Variants in NMT2 observed in about 807,000 individuals in gnomAD.
The protein encoded by NMT2 is glycylpeptide N-tetradecanoyltransferase 2.
A neutral mutation model predicts 65.4 loss-of-function variants in NMT2; 35 were observed. The observed-to-expected ratio is 0.54, with a 90% confidence interval of 0.41 to 0.71. The LOEUF (loss-of-function observed/expected upper bound fraction) is 0.71. NMT2 is among the 30% of genes least tolerant of loss of function. NMT2 has a pLI of 0.00. For synonymous variants in NMT2, 226 were observed against 231.8 expected (o/e 0.98, Z 0.23); for missense variants, 489 against 611.3 (o/e 0.80, Z 2.11).
chr10:15,164,944 A>G (rs1015048627), intron 1 of NMT2, among the ~76,000 whole-genome samples: 2 of 152,140 alleles, frequency 1.3e-5, no homozygotes, highest in Non-Finnish European at 2.9e-5. Context: ...GGTGGGGATC[A>G]CCTCAGGTCA....
chr10:15,110,568 C>T (rs1845477430), intron 10 of NMT2, among the ~76,000 whole-genome samples: 1 of 151,986 alleles, frequency 6.6e-6, no homozygotes, highest in Non-Finnish European at 1.5e-5. Context: ...CCGAAGAGGT[C>T]GAGGCTGCAG....
At chr10:15,160,145 T>A (rs1833139338) in intron 1 of NMT2, among the ~76,000 whole-genome samples, 2 of 152,180 alleles carry the variant, frequency 1.3e-5, no homozygotes, top group Non-Finnish European at 2.9e-5. Flanking sequence ...AACAATGATG[T>A]CTGACACTGA....
intron 7 of NMT2, 63 bp from the exon 8 acceptor site, chr10:15,128,521 G>T: frequency 9.6e-7 from 1 of 1,036,418 alleles, no homozygotes; most frequent in Non-Finnish European, 1.5e-6. Context: ...TTCACTCTTT[G>T]TCTCAGCTTG....
chr10:15,130,780 T>G (rs374400870), intron 6 of NMT2, among the ~76,000 whole-genome samples: 1 of 147,784 alleles, frequency 6.8e-6, no homozygotes, highest in African/African-American at 2.5e-5. Context: ...ATTTTCTTCT[T>G]TCTTTCTTTT....
intron 1 of NMT2, among the ~76,000 whole-genome samples, chr10:15,162,903 T>C (rs963916471): frequency 2.0e-5 from 3 of 149,336 alleles, no homozygotes; most frequent in Non-Finnish European, 3.0e-5. Flanking sequence ...ATGTGATATA[T>C]ATAAATATAT....
chr10:15,138,780 C>A (rs962129990), intron 2 of NMT2, among the ~76,000 whole-genome samples: 3 of 151,954 alleles, frequency 2.0e-5, no homozygotes, highest in African/African-American at 7.3e-5. Flanking sequence ...AGGGAAAGAG[C>A]CCCAGATTTT....
intron 2 of NMT2, among the ~76,000 whole-genome samples, chr10:15,136,526 C>G (rs886967655): frequency 5.3e-5 from 8 of 151,792 alleles, no homozygotes; most frequent in African/African-American, 1.9e-4. Context: ...GAAATCTGAA[C>G]TCAGTGCTGA....
intron 1 of NMT2, among the ~76,000 whole-genome samples, chr10:15,160,410 G>A (rs542157977): frequency 6.6e-6 from 1 of 152,208 alleles, no homozygotes; most frequent in Non-Finnish European, 1.5e-5. Flanking sequence ...GTGTGCCTGA[G>A]GACCATGAAA....
chr10:15,106,640 G>A lies in NMT2; in HGVS notation c.*2555C>T, dbSNP rs1589279606. The stretch of plus-strand genomic sequence containing the variant: ...GCTGTGGGTTGGTCTTTAGAATCAC[G>A]GCAACCTATAGAAAGGAGAGTTCCA... On this transcript the variant is annotated 3_prime_UTR_variant, in exon 12 of 12. Transcript: ENST00000378165. 25 of 985,222 alleles carry A rather than the reference G, an allele frequency of 2.5e-5. No individual in the cohort carries two copies. The highest frequency in any genetic ancestry group is 3.0e-5 in the Non-Finnish European group (25 of 829,916). The allele number at this position is 985,222 out of a possible 1,614,324, so 61.0% of individuals were successfully genotyped here.
At chr10:15,119,600 C>G (rs1160706314) in intron 8 of NMT2, 87 bp from the exon 9 acceptor site, 1 of 1,129,634 alleles carries the variant, frequency 8.9e-7, no homozygotes. Flanking sequence ...GTCTGCAGAC[C>G]AGCAGAATGA....
At chr10:15,110,384 G>A (rs1216831832) in intron 10 of NMT2, among the ~76,000 whole-genome samples, 2 of 152,232 alleles carry the variant, frequency 1.3e-5, no homozygotes, top group Non-Finnish European at 2.9e-5. Flanking sequence ...GGAGGCCAAG[G>A]TGGGAGGCTC....
intron 2 of NMT2, 191 bp downstream of exon 2, chr10:15,141,231 G>A (rs1187759990): frequency 1.2e-6 from 1 of 807,588 alleles, no homozygotes; most frequent in South Asian, 1.8e-5. Context: ...CAAAAGCACA[G>A]TGTACCCCTT....
At chr10:15,161,883 A>C (rs985496514) in intron 1 of NMT2, among the ~76,000 whole-genome samples, 4 of 152,358 alleles carry the variant, frequency 2.6e-5, no homozygotes, top group Admixed American at 2.6e-4. Context: ...TTTTCTTGTG[A>C]GATGGTAGAA....
At position 15,109,216 on chromosome 10, in the gene NMT2, C is replaced by G; in HGVS notation, c.1477-1G>C. The G allele has an allele frequency of 6.2e-7, 1 of 1,603,530 alleles. No homozygotes were observed. The highest frequency in any genetic ancestry group is 8.5e-7 in the Non-Finnish European group (1 of 1,176,340). ...CCATCTATTGTAGTACTAGTCCAAC[C>G]TGAAGGGAGGGAAGAAATGGAATAG... On this transcript the variant is annotated splice_acceptor_variant, in intron 11 of 11. Coordinates refer to ENST00000378165, the MANE Select transcript of NMT2 (RefSeq NM_004808.3). LOFTEE classifies it high-confidence loss of function.
At chr10:15,155,336 G>T (rs2131615230) in intron 1 of NMT2, 1 of 1,044,050 alleles carries the variant, frequency 9.6e-7, no homozygotes, top group East Asian at 2.4e-5. Flanking sequence ...GTAGTACAGG[G>T]CTCCTGGTGG....
chr10:15,153,953 A>T (rs1451166438), intron 1 of NMT2, among the ~76,000 whole-genome samples: 1 of 152,132 alleles, frequency 6.6e-6, no homozygotes, highest in Non-Finnish European at 1.5e-5. Context: ...CACCTGGCTT[A>T]CACACAGACG....
chr10:15,142,764 A>C (rs1846821280), intron 1 of NMT2, among the ~76,000 whole-genome samples: 2 of 152,208 alleles, frequency 1.3e-5, no homozygotes, highest in Admixed American at 6.5e-5. Flanking sequence ...GTTTATATTT[A>C]AAATCACCTG....
In NMT2 at chr10:15,141,467, G is replaced by A. The variant is rs1312964647; in HGVS notation, c.201C>T (p.Asp67=). 1.2e-6 allele frequency: 2 copies of A among 1,614,184 alleles called. No individual in the cohort carries two copies. The highest frequency in any genetic ancestry group is 1.7e-6 in the Non-Finnish European group (2 of 1,180,026). The change falls in exon 2 of 12, where the codon GAC becomes GAT. Residue 67 remains aspartate, a synonymous_variant. Transcript: ENST00000378165. ...EKPNSGGTKS[D]SASDSQEIKI... ...TAATCTCCTGGGAATCAGATGCCGA[G>A]TCTGACTTGGTGCCTCCGGAATTTG...
chr10:15,128,494 T>C, intron 7 of NMT2, 36 bp from the exon 8 acceptor site: 1 of 1,280,872 alleles, frequency 7.8e-7, no homozygotes, highest in Non-Finnish European at 1.1e-6. Flanking sequence ...TCAAATTGAT[T>C]TCTAACTCTA....
Sources: gnomAD v4.1 joint callset for allele counts (sites outside exome capture counted in the v4.1 genomes callset) on GRCh38, gnomAD v4.1.1 for gene constraint, MANE v1.5 for transcripts, NCBI Gene and HGNC (gene_info 2026-07-23, HGNC 2026-07-21) for gene names.